Variants in SORCS2 observed in about 807,000 individuals in gnomAD.
The protein encoded by SORCS2 is VPS10 domain-containing receptor SorCS2.
A neutral mutation model predicts 141.6 loss-of-function variants in SORCS2; 100 were observed. The observed-to-expected ratio is 0.71, with a 90% CI of 0.60 to 0.83. SORCS2 has a LOEUF of 0.83. Ranked by LOEUF, SORCS2 falls within the 40% of genes least tolerant of loss-of-function variation. The pLI is 0.00. For synonymous variants in SORCS2, 789 were observed against 676.9 expected, an observed-to-expected ratio of 1.17 and a Z score of -2.57; for missense variants, 1,646 against 1,560.2, an observed-to-expected ratio of 1.05 and a Z score of -0.93.
At position 7,193,120 on chromosome 4, in the gene SORCS2, C is replaced by G; in HGVS notation, c.474C>G (p.Asn158Lys). ...NQAMVHWTGE[N>K]SSVILILTKY... ...CGATGGTGCACTGGACGGGCGAGAA[C>G]AGCAGCGTAAGTGACCTCCACGCGC... The change falls in exon 1 of 27, where the codon AAC becomes AAG. Residue 158 changes from asparagine (N) to lysine (K), a missense_variant. Asn to Lys is a moderately conservative substitution (Grantham distance 94). Transcript: ENST00000507866. The surrounding 1 kb of genome is among the most constrained non-coding windows in gnomAD (Gnocchi z 4.8). 1 of 1,539,200 alleles carries G rather than the reference C, an allele frequency of 6.5e-7. No individual in the cohort carries two copies.
intron 1 of SORCS2, among the ~76,000 whole-genome samples, chr4:7,342,324 C>CCCTGTGCCTGGAAGAG (rs1720413332): frequency 6.6e-6 from 1 of 152,230 alleles, no homozygotes; most frequent in Non-Finnish European, 1.5e-5. Context: ...TTGCCCCGGG[C>CCCTGTGCCTGGAAGAG]CCTGTGCCTG....
intron 5 of SORCS2, 33 bp from the exon 6 acceptor site, chr4:7,661,467 T>C: frequency 6.4e-7 from 1 of 1,550,520 alleles, no homozygotes; most frequent in Non-Finnish European, 8.7e-7. Context: ...GGTGACTCCA[T>C]TCCCGACCCC....
At chr4:7,330,659 G>C (rs113877256) in intron 1 of SORCS2, among the ~76,000 whole-genome samples, 1 of 151,962 alleles carries the variant, frequency 6.6e-6, no homozygotes, top group Non-Finnish European at 1.5e-5. Flanking sequence ...GTCAATGCCC[G>C]CTGTGCTCTG....
chr4:7,428,275 C>T (rs1011547923), intron 2 of SORCS2, among the ~76,000 whole-genome samples: 3 of 152,310 alleles, frequency 2.0e-5, no homozygotes, highest in Admixed American at 6.5e-5. Flanking sequence ...AACACACAAC[C>T]GCAGGGCGGC....
intron 1 of SORCS2, among the ~76,000 whole-genome samples, chr4:7,327,171 A>T (rs1418331414): frequency 2.0e-5 from 3 of 152,206 alleles, no homozygotes; most frequent in Admixed American, 6.5e-5. Context: ...GGGGCGTCAA[A>T]CAACAGAAAT....
intron 3 of SORCS2, among the ~76,000 whole-genome samples, chr4:7,605,557 C>T (rs769931906): frequency 2.0e-5 from 3 of 152,182 alleles, no homozygotes; most frequent in Admixed American, 6.5e-5. Flanking sequence ...CTTAACAGTG[C>T]ACCTTGAAAT....
intron 5 of SORCS2, among the ~76,000 whole-genome samples, chr4:7,654,666 G>A (rs932674461): frequency 1.3e-5 from 2 of 152,132 alleles, no homozygotes; most frequent in Non-Finnish European, 2.9e-5. Flanking sequence ...GTGCCGACCC[G>A]GCCTGCCTCA....
At chr4:7,494,030 CACAG>C (rs34436745) in intron 2 of SORCS2, among the ~76,000 whole-genome samples, 36,914 of 151,548 alleles carry the variant, frequency 0.24, 4,758 homozygotes, top group Middle Eastern at 0.36. Context: ...CACACACACA[CACAG>C]ACACACACAC....
At chr4:7,450,442 C>T (rs555313625) in intron 2 of SORCS2, among the ~76,000 whole-genome samples, 2 of 152,312 alleles carry the variant, frequency 1.3e-5, no homozygotes, top group East Asian at 1.9e-4. Flanking sequence ...CAGGCGAGGC[C>T]CCATCATCTT....
intron 2 of SORCS2, among the ~76,000 whole-genome samples, chr4:7,510,146 G>T (rs1732527157): frequency 6.6e-6 from 1 of 152,272 alleles, no homozygotes; most frequent in Non-Finnish European, 1.5e-5. Context: ...GACCTGCGCG[G>T]GTTTCGGCAT....
At chr4:7,383,888 G>A (rs566296663) in intron 1 of SORCS2, among the ~76,000 whole-genome samples, 1 of 152,224 alleles carries the variant, frequency 6.6e-6, no homozygotes, top group Non-Finnish European at 1.5e-5. Flanking sequence ...AGGTGGAAAA[G>A]TCTACCAAGA....
intron 2 of SORCS2, among the ~76,000 whole-genome samples, chr4:7,518,232 G>A (rs1733108403): frequency 6.6e-6 from 1 of 152,164 alleles, no homozygotes; most frequent in Non-Finnish European, 1.5e-5. Context: ...TTTATTGATC[G>A]TATGTGGATT....
rs536903963 is a variant in SORCS2 at position 7,674,508 on chromosome 4, A to G, written c.1162-1542A>G. ...GAATGGTGTGAACCCGGGGGGGCAG[A>G]GCTTGCAGTGAGCTGAGATTGCGCC... is the stretch of plus-strand genomic sequence containing the variant. On this transcript the variant is annotated intron_variant, in intron 8 of 26. Coordinates refer to ENST00000507866, the MANE Select transcript of SORCS2 (RefSeq NM_020777.3). 2.1e-5 allele frequency among the ~76,000 whole-genome samples: 3 copies of G among 142,930 alleles called. No homozygotes were observed. The South Asian group carries it at 7.2e-4, about 34-fold the overall frequency. 93.8% of individuals were successfully genotyped at this position (142,930 alleles called of 152,430 possible). A position where few individuals can be genotyped will look rare whatever the true frequency, so the allele number is the denominator to read the frequency against.
chr4:7,601,616 CA>C (rs1168678841), intron 3 of SORCS2, among the ~76,000 whole-genome samples: 3,411 of 45,500 alleles, frequency 0.075, 55 homozygotes, highest in African/African-American at 0.17. Context: ...AAGACTCTCT[CA>C]AAAAAAAAAA....
chr4:7,285,798 C>T (rs74652448), intron 1 of SORCS2, among the ~76,000 whole-genome samples: 1,938 of 152,330 alleles, frequency 0.013, 32 homozygotes, highest in African/African-American at 0.044. Flanking sequence ...CTGCTAAGTC[C>T]GAGGGTGCGG....
intron 1 of SORCS2, among the ~76,000 whole-genome samples, chr4:7,279,217 A>G (rs1052524086): frequency 2.0e-5 from 3 of 152,218 alleles, no homozygotes; most frequent in Admixed American, 6.5e-5. Flanking sequence ...AATGGCTTAC[A>G]AAGATGTAAA....
Position 7,336,588 on chromosome 4 carries a change from C to T in SORCS2, c.481-59700C>T. On this transcript the variant is annotated intron_variant, in intron 1 of 26. Coordinates refer to ENST00000507866, the MANE Select transcript of SORCS2 (RefSeq NM_020777.3). The stretch of plus-strand genomic sequence containing the variant: ...GATGGGGTTTCTAGGGTCCCAGGAC[C>T]TCCTGTTCGCATCTTGGTGGAAGCG... Among the ~76,000 whole-genome samples, 2 of 79,118 alleles carry T rather than the reference C, an allele frequency of 2.5e-5. 1 individual carries two copies. Among genetic ancestry groups the T allele is most frequent in the Non-Finnish European group, 5.1e-5 (2 of 38,914 alleles). The allele number at this position is 79,118 out of a possible 152,430, so 51.9% of individuals were successfully genotyped here. A position where few individuals can be genotyped will look rare whatever the true frequency, so the allele number is the denominator to read the frequency against.
intron 3 of SORCS2, among the ~76,000 whole-genome samples, chr4:7,552,636 A>G (rs1713799102): frequency 6.6e-6 from 1 of 152,234 alleles, no homozygotes; most frequent in Non-Finnish European, 1.5e-5. Flanking sequence ...CACAGGGATC[A>G]GGAACAGTGC....
At chr4:7,328,720 A>G (rs980079622) in intron 1 of SORCS2, among the ~76,000 whole-genome samples, 1 of 151,994 alleles carries the variant, frequency 6.6e-6, no homozygotes, top group Admixed American at 6.6e-5. Context: ...CCTGCTCCTC[A>G]CAGCTGCAAG....
Sources: gnomAD v4.1 joint callset for allele counts (sites outside exome capture counted in the v4.1 genomes callset) on GRCh38, gnomAD v4.1.1 for gene constraint, Gnocchi (gnomAD v3.1) non-coding constraint, MANE v1.5 for transcripts, NCBI Gene and HGNC (gene_info 2026-07-23, HGNC 2026-07-21) for gene names.